Variants in IFFO2 observed in about 807,000 individuals in gnomAD.
IFFO2 encodes intermediate filament family orphan 2.
Under a neutral mutation model 53.5 loss-of-function variants are expected in IFFO2, and 19 were observed. The ratio of observed to expected loss-of-function variants is 0.36; its 90% CI spans 0.25 to 0.52. The LOEUF (loss-of-function observed/expected upper bound fraction) is 0.52. Ranked by LOEUF, IFFO2 falls within the 20% of genes least tolerant of loss-of-function variation. The probability of loss-of-function intolerance (pLI) is 0.94; values close to 1 mark genes in which losing one functional copy is unlikely to be tolerated. For missense variants in IFFO2, 570 were observed against 727.4 expected (o/e 0.78, Z 2.49); for synonymous variants, 303 against 313.6 (o/e 0.97, Z 0.36).
At chr1:18,908,722 G>T in intron 8 of IFFO2, 56 bp from the exon 9 acceptor site, 2 of 1,308,806 alleles carry the variant, frequency 1.5e-6, no homozygotes, top group Non-Finnish European at 2.2e-6. Flanking sequence ...CCTCTGAAGG[G>T]TCAAGGAGTG....
At chr1:18,914,804 C>G (rs1309604846) in intron 5 of IFFO2, among the ~76,000 whole-genome samples, 1 of 125,500 alleles carries the variant, frequency 8.0e-6, no homozygotes, top group Non-Finnish European at 1.6e-5. Flanking sequence ...GCCTGGGCAA[C>G]AGAACAAGGC....
Position 18,917,045 on chromosome 1 carries a change from G to A in IFFO2, c.964-3C>T, listed in dbSNP as rs1936143472. The A allele has an allele frequency of 6.4e-7, 1 of 1,552,128 alleles. No homozygotes were observed. Among genetic ancestry groups the A allele is most frequent in the Non-Finnish European group, 8.7e-7 (1 of 1,147,030 alleles). On this transcript the variant is annotated splice_region_variant and splice_polypyrimidine_tract_variant and intron_variant, in intron 4 of 8. Transcript: ENST00000455833. This position sits in a 1 kb window ranked among gnomAD's most constrained non-coding sequence, Gnocchi z 5.9. ...CGCTCTTTCTTTTTGGGGACCACCT[G>A]AACCGGAAAGGAAGCAATCAAGGTA...
chr1:18,953,372 A>C, intron 1 of IFFO2, among the ~76,000 whole-genome samples: 1 of 152,198 alleles, frequency 6.6e-6, no homozygotes, highest in East Asian at 1.9e-4. Context: ...GGGATACCCA[A>C]AACATACTAC....
chr1:18,914,063 C>G (rs1049667863), intron 5 of IFFO2, among the ~76,000 whole-genome samples: 1 of 152,146 alleles, frequency 6.6e-6, no homozygotes, highest in Non-Finnish European at 1.5e-5. Context: ...GATCTCCTGA[C>G]CTCGTGATCC....
chr1:18,931,490 G>A (rs550649689), intron 1 of IFFO2, among the ~76,000 whole-genome samples: 4 of 152,152 alleles, frequency 2.6e-5, no homozygotes, highest in Non-Finnish European at 5.9e-5. Context: ...CCCAGAATAA[G>A]TCACTATGCC....
In IFFO2 at chr1:18,918,324, G is replaced by T; in HGVS notation, c.963+38C>A. 6.5e-7 allele frequency: 1 copy of T among 1,540,076 alleles called. No homozygotes were observed. Among genetic ancestry groups the T allele is most frequent in the Non-Finnish European group, 8.8e-7 (1 of 1,137,488 alleles). On this transcript the variant is annotated intron_variant, in intron 4 of 8. Transcript: ENST00000455833. This position sits in a 1 kb window ranked among gnomAD's most constrained non-coding sequence, Gnocchi z 5.2. ...TGGAGGCCAGGGCTGCTCTGGGAGA[G>T]TGGGGGGTTGGCTGGTGAGCAGGGC...
chr1:18,926,799 C>A (rs570431423), intron 1 of IFFO2, among the ~76,000 whole-genome samples: 1 of 151,850 alleles, frequency 6.6e-6, no homozygotes, highest in South Asian at 2.1e-4. Flanking sequence ...TACAGAGGGG[C>A]GGAAACCCAA....
chr1:18,921,012 A>T, intron 2 of IFFO2, 49 bp downstream of exon 2: 1 of 1,520,286 alleles, frequency 6.6e-7, no homozygotes, highest in South Asian at 1.2e-5. Context: ...CCTTGGCCAC[A>T]TGGCTCTCTG....
At chr1:18,945,312 C>T (rs975403713) in intron 1 of IFFO2, among the ~76,000 whole-genome samples, 1 of 152,120 alleles carries the variant, frequency 6.6e-6, no homozygotes, top group African/African-American at 2.4e-5. Context: ...ACTACCACCC[C>T]CCAAGATGGC....
chr1:18,949,705 C>G (rs1936634365), intron 1 of IFFO2, among the ~76,000 whole-genome samples: 1 of 152,254 alleles, frequency 6.6e-6, no homozygotes. Flanking sequence ...GTCCTTCAAA[C>G]ACGGTCATGT....
Position 18,920,912 on chromosome 1 carries a change from G to C in IFFO2, c.726+149C>G, listed in dbSNP as rs938142030. 7 of 676,178 alleles carry C rather than the reference G, an allele frequency of 1.0e-5. No individual in the cohort carries two copies. The African/African-American group carries it at 1.2e-4, about 12-fold the overall frequency. The allele number at this position is 676,178 out of a possible 1,614,324, so 41.9% of individuals were successfully genotyped here. ...GCAGAGGAAGTGGAAGGGATCTCTT[G>C]GCTCCATAAAGGAGAGACTGAGGTG... is the stretch of plus-strand genomic sequence containing the variant. On this transcript the variant is annotated intron_variant, in intron 2 of 8. Coordinates refer to ENST00000455833, the MANE Select transcript of IFFO2 (RefSeq NM_001136265.2).
chr1:18,908,205 T>C lies in IFFO2; in HGVS notation c.*356A>G. The C allele has an allele frequency of 3.7e-6, 1 of 266,852 alleles. No homozygotes were observed. The highest frequency in any genetic ancestry group is 7.6e-6 in the Non-Finnish European group (1 of 132,338). 16.5% of individuals were successfully genotyped at this position (266,852 alleles called of 1,614,324 possible). On this transcript the variant is annotated 3_prime_UTR_variant, in exon 9 of 9. Coordinates refer to ENST00000455833, the MANE Select transcript of IFFO2 (RefSeq NM_001136265.2). ...GTTGGCCCGGCCCTCAGCTTAGAGTTCTGTATAAAAACACCTGCTAGGAAT... is the reference window on the plus strand; with the variant it reads ...GTTGGCCCGGCCCTCAGCTTAGAGTCCTGTATAAAAACACCTGCTAGGAAT...
chr1:18,909,431 G>A (rs1486840797), intron 8 of IFFO2, among the ~76,000 whole-genome samples: 2 of 152,136 alleles, frequency 1.3e-5, no homozygotes, highest in Non-Finnish European at 2.9e-5. Flanking sequence ...GCCCTGGGTT[G>A]GAAGAGGATG....
chr1:18,950,789 C>G (rs1368321587), intron 1 of IFFO2, among the ~76,000 whole-genome samples: 1 of 152,238 alleles, frequency 6.6e-6, no homozygotes, highest in African/African-American at 2.4e-5. Context: ...GGGGGACACT[C>G]CAGCTGACCC....
chr1:18,953,027 C>T (rs1468505603), intron 1 of IFFO2, among the ~76,000 whole-genome samples: 2 of 152,232 alleles, frequency 1.3e-5, no homozygotes, highest in Non-Finnish European at 2.9e-5. Flanking sequence ...TCTGGAGCTG[C>T]AGCTTCCTCC....
chr1:18,910,238 G>A (rs1464924354), intron 8 of IFFO2, 104 bp downstream of exon 8: 1 of 1,311,552 alleles, frequency 7.6e-7, no homozygotes, highest in East Asian at 2.5e-5. Context: ...CAGATGGACG[G>A]ACAGAGAGAC....
In IFFO2 at chr1:18,905,332, T is replaced by C. The variant is rs1030450437; in HGVS notation, c.*3229A>G. On this transcript the variant is annotated 3_prime_UTR_variant, in exon 9 of 9. Transcript: ENST00000455833. Reference sequence around the variant, plus strand: ...GGGGACAGGAATGGGTTCCATTCAATCCAGCAACAACATGCACCATGTCTC... The same window carrying C: ...GGGGACAGGAATGGGTTCCATTCAACCCAGCAACAACATGCACCATGTCTC... 11 of 152,300 alleles carry C rather than the reference T, an allele frequency of 7.2e-5. No homozygotes were observed. The highest frequency in any genetic ancestry group is 2.6e-4 in the Admixed American group (4 of 15,296). The allele number at this position is 152,300 out of a possible 1,614,324, so 9.4% of individuals were successfully genotyped here. A position where few individuals can be genotyped will look rare whatever the true frequency, so the allele number is the denominator to read the frequency against.
Position 18,908,410 on chromosome 1 carries a change from C to G in IFFO2, c.*151G>C. ...GGTGGTGTGGAAGGAAGGAAGGAAG[C>G]AGCAGTCCCTCAGGGCCTCCAGAGA... On this transcript the variant is annotated 3_prime_UTR_variant, in exon 9 of 9. Coordinates refer to ENST00000455833, the MANE Select transcript of IFFO2 (RefSeq NM_001136265.2). The G allele has an allele frequency of 3.3e-6, 2 of 614,070 alleles. No individual in the cohort carries two copies. The highest frequency in any genetic ancestry group is 3.6e-5 in the South Asian group (2 of 54,796). 38.0% of individuals were successfully genotyped at this position (614,070 alleles called of 1,614,324 possible). A position where few individuals can be genotyped will look rare whatever the true frequency, so the allele number is the denominator to read the frequency against.
At position 18,919,057 on chromosome 1, in the gene IFFO2, G is replaced by C. The variant is rs1936176749; in HGVS notation, c.823-555C>G. Among the ~76,000 whole-genome samples the C allele has an allele frequency of 3.3e-5, 5 of 152,296 alleles. No homozygotes were observed. In the South Asian group the frequency reaches 1.0e-3, roughly 32 times the overall value. On this transcript the variant is annotated intron_variant, in intron 3 of 8. Transcript: ENST00000455833. The surrounding 1 kb of genome is among the most constrained non-coding windows in gnomAD (Gnocchi z 4.9). The stretch of plus-strand genomic sequence containing the variant: ...CACACCAGGAGCCATGCCAGGCTCA[G>C]TCACCCACGTTCTGGCCCCTTCTGC...
Sources: allele counts gnomAD v4.1 joint callset (sites outside exome capture counted in the v4.1 genomes callset), GRCh38; gene constraint gnomAD v4.1.1; non-coding constraint Gnocchi (gnomAD v3.1); transcripts MANE v1.5; gene names NCBI Gene and HGNC (gene_info 2026-07-23, HGNC 2026-07-21).